Variants in TSHZ2 observed in about 807,000 individuals in gnomAD.
TSHZ2 encodes the protein teashirt homolog 2.
In TSHZ2, 21 loss-of-function variants were observed where a neutral mutation model predicts 74.4. The ratio of observed to expected loss-of-function variants is 0.28; its 90% CI spans 0.20 to 0.41. TSHZ2 has a LOEUF of 0.41. TSHZ2 is among the 10% of genes least tolerant of loss of function. The pLI is 1.00. For synonymous variants in TSHZ2, 540 were observed against 515.3 expected, an observed-to-expected ratio of 1.05 and a Z score of -0.65; for missense variants, 1,244 against 1,293.5, an observed-to-expected ratio of 0.96 and a Z score of 0.59.
At chr20:53,002,393 A>G (rs1982474394) in intron 1 of TSHZ2, among the ~76,000 whole-genome samples, 1 of 152,144 alleles carries the variant, frequency 6.6e-6, no homozygotes. Context: ...ATAATACAAA[A>G]TGAAAGAAAC....
intron 2 of TSHZ2, among the ~76,000 whole-genome samples, chr20:53,292,291 C>T (rs1991293592): frequency 6.6e-6 from 1 of 152,140 alleles, no homozygotes; most frequent in Non-Finnish European, 1.5e-5. Flanking sequence ...CCTTAAACTT[C>T]CACACTGGAA....
Position 53,077,347 on chromosome 20 carries a change from G to A in TSHZ2, c.40+104014G>A, listed in dbSNP as rs150763593. Reference sequence around the variant, plus strand: ...AACCATTTGAACCCTGGAGGCAAAGGTTGCAGTGAGCCAAGATTGTGCCAC... The same window carrying A: ...AACCATTTGAACCCTGGAGGCAAAGATTGCAGTGAGCCAAGATTGTGCCAC... On this transcript the variant is annotated intron_variant, in intron 1 of 2. Transcript: ENST00000371497. Among the ~76,000 whole-genome samples the A allele has an allele frequency of 2.5e-3, 378 of 151,580 alleles. 1 individual carries two copies. The highest frequency in any genetic ancestry group is 8.0e-3 in the African/African-American group (330 of 41,284).
At chr20:53,012,755 A>T (rs961479577) in intron 1 of TSHZ2, among the ~76,000 whole-genome samples, 9 of 152,102 alleles carry the variant, frequency 5.9e-5, no homozygotes, top group Non-Finnish European at 1.3e-4. Flanking sequence ...CTTTTTGGGA[A>T]GGCAGTTTTC....
intron 1 of TSHZ2, among the ~76,000 whole-genome samples, chr20:53,225,801 C>T (rs1989671846): frequency 6.6e-6 from 1 of 152,138 alleles, no homozygotes; most frequent in Admixed American, 6.5e-5. Flanking sequence ...AAAGAAATTT[C>T]TGACAAATGA....
At chr20:53,122,288 C>CAAAAA (rs1314517744) in intron 1 of TSHZ2, among the ~76,000 whole-genome samples, 2 of 65,666 alleles carry the variant, frequency 3.0e-5, no homozygotes, top group African/African-American at 1.0e-4. Flanking sequence ...ACCCCATCTA[C>CAAAAA]AAAAAAAAAA....
intron 1 of TSHZ2, among the ~76,000 whole-genome samples, chr20:52,981,884 A>T (rs1241377553): frequency 6.6e-6 from 1 of 152,206 alleles, no homozygotes; most frequent in African/African-American, 2.4e-5. Flanking sequence ...TTGAGTTCCT[A>T]CTATGTGTCA....
At chr20:53,095,219 C>T (rs1600686875) in intron 1 of TSHZ2, among the ~76,000 whole-genome samples, 1 of 152,312 alleles carries the variant, frequency 6.6e-6, no homozygotes, top group East Asian at 1.9e-4. Flanking sequence ...TTGGCTCTAT[C>T]CTGAGGCAGT....
At chr20:53,409,884 T>C (rs796410012) in intron 2 of TSHZ2, among the ~76,000 whole-genome samples, 5 of 123,390 alleles carry the variant, frequency 4.1e-5, no homozygotes, top group Admixed American at 2.1e-4. Flanking sequence ...TCTTGTTCCG[T>C]CGCCCAGACT....
intron 2 of TSHZ2, among the ~76,000 whole-genome samples, chr20:53,331,397 G>A (rs1371850720): frequency 1.3e-5 from 2 of 152,124 alleles, no homozygotes; most frequent in Admixed American, 6.5e-5. Flanking sequence ...TTCTTCTTCC[G>A]GGACCTGGTG....
chr20:53,303,343 C>T (rs1267652510), intron 2 of TSHZ2, among the ~76,000 whole-genome samples: 1 of 152,180 alleles, frequency 6.6e-6, no homozygotes, highest in East Asian at 1.9e-4. Flanking sequence ...TTCAGTTACA[C>T]AAATATTTCC....
intron 2 of TSHZ2, among the ~76,000 whole-genome samples, chr20:53,304,418 A>AGTCTTG (rs1978435054): frequency 6.6e-6 from 1 of 151,966 alleles, no homozygotes; most frequent in Non-Finnish European, 1.5e-5. Flanking sequence ...TCAAAAGTCC[A>AGTCTTG]GTCTTGGTCT....
intron 2 of TSHZ2, among the ~76,000 whole-genome samples, chr20:53,404,937 A>G (rs1243703596): frequency 6.6e-6 from 1 of 152,036 alleles, no homozygotes; most frequent in Non-Finnish European, 1.5e-5. Context: ...TCTTCCACGC[A>G]CTCTTCGACA....
chr20:53,064,534 G>C (rs1984916520), intron 1 of TSHZ2, among the ~76,000 whole-genome samples: 1 of 152,114 alleles, frequency 6.6e-6, no homozygotes, highest in South Asian at 2.1e-4. Flanking sequence ...TTGGGAGGCT[G>C]AGGCAAGAGG....
intron 2 of TSHZ2, among the ~76,000 whole-genome samples, chr20:53,263,591 AGTTTGTTTTGTT>A (rs1438904463): frequency 6.6e-6 from 1 of 152,098 alleles, no homozygotes; most frequent in Non-Finnish European, 1.5e-5. Flanking sequence ...TTCGGATTTT[AGTTTGTTTTGTT>A]GTTTTTGTTC....
intron 1 of TSHZ2, among the ~76,000 whole-genome samples, chr20:53,017,421 A>G (rs924955740): frequency 1.3e-5 from 2 of 152,214 alleles, no homozygotes; most frequent in Non-Finnish European, 2.9e-5. Context: ...ATGATTTTAC[A>G]TAGCATACGG....
intron 1 of TSHZ2, among the ~76,000 whole-genome samples, chr20:53,071,915 G>C (rs1350379670): frequency 6.6e-6 from 1 of 152,146 alleles, no homozygotes; most frequent in Non-Finnish European, 1.5e-5. Flanking sequence ...TACTGCCCCA[G>C]CTCCCCAACC....
chr20:53,103,784 C>T (rs927477884), intron 1 of TSHZ2, among the ~76,000 whole-genome samples: 1 of 152,164 alleles, frequency 6.6e-6, no homozygotes, highest in African/African-American at 2.4e-5. Context: ...GATTTTGATG[C>T]TCCATGATGA....
At chr20:53,483,004 A>G (rs1361298696) in intron 2 of TSHZ2, among the ~76,000 whole-genome samples, 1 of 152,224 alleles carries the variant, frequency 6.6e-6, no homozygotes, top group East Asian at 1.9e-4. Flanking sequence ...CCCTTCTTCA[A>G]GTGTAGGAAC....
At chr20:53,148,904 G>A (rs2123434477) in intron 1 of TSHZ2, among the ~76,000 whole-genome samples, 1 of 152,282 alleles carries the variant, frequency 6.6e-6, no homozygotes, top group South Asian at 2.1e-4. Flanking sequence ...TCCAGAAAGA[G>A]AATTCTCACA....
Sources: allele counts gnomAD v4.1 joint callset (sites outside exome capture counted in the v4.1 genomes callset), GRCh38; gene constraint gnomAD v4.1.1; transcripts MANE v1.5; gene names NCBI Gene and HGNC (gene_info 2026-07-23, HGNC 2026-07-21).